TTC39B: variants seen among roughly 807,000 people sequenced by gnomAD.
The protein encoded by TTC39B is tetratricopeptide repeat domain 39B.
TTC39B carries 92 observed loss-of-function variants against 96.6 expected under a neutral mutation model. That is an observed-to-expected ratio of 0.95 (90% CI 0.80 to 1.13). The LOEUF is 1.13. Ranked by LOEUF, TTC39B falls within the 50% of genes most tolerant of loss-of-function variation. The probability of loss-of-function intolerance (pLI) is 0.00; values close to 1 mark genes in which losing one functional copy is unlikely to be tolerated. For synonymous variants in TTC39B, 367 were observed against 299.4 expected, an observed-to-expected ratio of 1.23 and a Z score of -2.33; for missense variants, 955 against 809.3, an observed-to-expected ratio of 1.18 and a Z score of -2.18.
chr9:15,177,809 T>TA lies in TTC39B; in HGVS notation c.1728dup (p.Asn577Ter). On this transcript the variant is annotated frameshift_variant, in exon 18 of 20. Transcript: ENST00000512701. LOFTEE classifies it high-confidence loss of function. ...CACTCATCATCCACAGAGAAGCTGTTAAAATCTTAAAACAAAAAACATACA... is the reference window on the plus strand; with the variant it reads ...CACTCATCATCCACAGAGAAGCTGTTAAAAATCTTAAAACAAAAAACATACA... 1.3e-6 allele frequency: 2 copies of TA among 1,580,306 alleles called. No homozygotes were observed. The highest frequency in any genetic ancestry group is 1.7e-6 in the Non-Finnish European group (2 of 1,160,516).
At chr9:15,250,206 A>G (rs918740623) in intron 2 of TTC39B, 3 of 1,139,564 alleles carry the variant, frequency 2.6e-6, no homozygotes, top group Non-Finnish European at 3.3e-6. Context: ...TCACTGCTGT[A>G]GCGGATGCTT....
At chr9:15,211,286 G>A (rs146875404) in exon 5 of TTC39B, 14 of 1,567,956 alleles carry the variant, frequency 8.9e-6, no homozygotes, top group African/African-American at 2.8e-5. Flanking sequence ...TTTGTAAAGC[G>A]TCCTTCATGG....
intron 9 of TTC39B, among the ~76,000 whole-genome samples, chr9:15,192,340 A>G (rs772638734): frequency 1.3e-5 from 2 of 152,136 alleles, no homozygotes; most frequent in African/African-American, 4.8e-5. Flanking sequence ...GTTCCTTGTT[A>G]CCAAAAACCT....
At chr9:15,183,218 AT>A in intron 16 of TTC39B, 1 of 316,726 alleles carries the variant, frequency 3.2e-6, no homozygotes, top group South Asian at 2.5e-5. Flanking sequence ...CTCAAGTAGA[AT>A]GGCAGCAAAG....
chr9:15,288,213 T>C (rs941333535), intron 1 of TTC39B, among the ~76,000 whole-genome samples: 5 of 152,122 alleles, frequency 3.3e-5, no homozygotes, highest in African/African-American at 1.2e-4. Flanking sequence ...AGGGAAATAC[T>C]GGATAGAAGA....
At chr9:15,302,144 GA>G (rs1824611980) in intron 1 of TTC39B, among the ~76,000 whole-genome samples, 1 of 151,668 alleles carries the variant, frequency 6.6e-6, no homozygotes, top group Non-Finnish European at 1.5e-5. Flanking sequence ...CCAACATGGT[GA>G]AACCCCATCT....
At chr9:15,215,127 T>C (rs1199748453) in intron 3 of TTC39B, among the ~76,000 whole-genome samples, 1 of 152,170 alleles carries the variant, frequency 6.6e-6, no homozygotes, top group Non-Finnish European at 1.5e-5. Context: ...ATGTGGTGTG[T>C]GCCTGTAATC....
At chr9:15,266,255 TA>T (rs561016680) in intron 2 of TTC39B, among the ~76,000 whole-genome samples, 11 of 151,750 alleles carry the variant, frequency 7.2e-5, no homozygotes, top group African/African-American at 2.2e-4. Flanking sequence ...GTTTTTTTTT[TA>T]AAAAATCATA....
intron 1 of TTC39B, among the ~76,000 whole-genome samples, chr9:15,285,728 G>T (rs532098674): frequency 6.6e-6 from 1 of 151,974 alleles, no homozygotes. Flanking sequence ...GGTGGCGGGC[G>T]CCTGTAGTCC....
chr9:15,191,173 T>G lies in TTC39B; in HGVS notation c.996+17A>C. The G allele has an allele frequency of 1.3e-6, 2 of 1,560,690 alleles. No homozygotes were observed. The highest frequency in any genetic ancestry group is 1.8e-6 in the Non-Finnish European group (2 of 1,134,202). On this transcript the variant is annotated intron_variant, in intron 10 of 19. Coordinates refer to ENST00000512701, the Ensembl canonical transcript of TTC39B. ...CTTATCTTCCCTGTCAAAATTAACA[T>G]AAAATTAAATTTGTACCCTATTCCC...
intron 9 of TTC39B, among the ~76,000 whole-genome samples, chr9:15,192,338 T>G (rs533927898): frequency 7.2e-5 from 11 of 152,324 alleles, no homozygotes; most frequent in African/African-American, 2.4e-4. Flanking sequence ...CTGTTCCTTG[T>G]TACCAAAAAC....
chr9:15,201,214 A>C (rs1421164633), intron 7 of TTC39B, among the ~76,000 whole-genome samples: 1 of 152,144 alleles, frequency 6.6e-6, no homozygotes, highest in Non-Finnish European at 1.5e-5. Flanking sequence ...CATAAAATCC[A>C]ATACCAACCA....
chr9:15,200,245 G>C (rs1226585512), intron 7 of TTC39B, among the ~76,000 whole-genome samples: 2 of 152,164 alleles, frequency 1.3e-5, no homozygotes, highest in Admixed American at 1.3e-4. Context: ...CATCTACTGA[G>C]CAATTTTCTT....
intron 1 of TTC39B, among the ~76,000 whole-genome samples, chr9:15,281,625 C>CAAAAAAAAAAAAAAAAAAAAA (rs1161175672): frequency 1.0e-4 from 5 of 49,002 alleles, no homozygotes; most frequent in African/African-American, 3.8e-4. Flanking sequence ...CCTGCAACAG[C>CAAAAAAAAAAAAAAAAAAAAA]AAAAAAAAAA....
At chr9:15,192,860 G>T (rs1318683161) in intron 8 of TTC39B, among the ~76,000 whole-genome samples, 165 bp from the exon 9 acceptor site, 1 of 152,132 alleles carries the variant, frequency 6.6e-6, no homozygotes, top group Non-Finnish European at 1.5e-5. Context: ...AGGATACTAG[G>T]TAATAATCAT....
chr9:15,260,827 A>C (rs1822918466), intron 2 of TTC39B, among the ~76,000 whole-genome samples: 1 of 152,096 alleles, frequency 6.6e-6, no homozygotes, highest in Non-Finnish European at 1.5e-5. Flanking sequence ...TGGCTAAAAA[A>C]ATCTGCCTAT....
intron 2 of TTC39B, among the ~76,000 whole-genome samples, chr9:15,226,968 C>A (rs1303331684): frequency 6.6e-6 from 1 of 150,990 alleles, no homozygotes; most frequent in Non-Finnish European, 1.5e-5. Context: ...AGAAGTTTTG[C>A]GTGTTTTTTT....
intron 1 of TTC39B, among the ~76,000 whole-genome samples, chr9:15,291,108 A>C (rs114023730): frequency 2.6e-5 from 4 of 152,214 alleles, no homozygotes; most frequent in Non-Finnish European, 5.9e-5. Flanking sequence ...GCTGCTTTCT[A>C]TGGTGAAGAA....
At chr9:15,244,836 T>C (rs2131483420) in intron 2 of TTC39B, among the ~76,000 whole-genome samples, 1 of 152,330 alleles carries the variant, frequency 6.6e-6, no homozygotes, top group South Asian at 2.1e-4. Context: ...GGACATTGTC[T>C]TTTCTTTTAA....
Sources: gnomAD v4.1 joint callset for allele counts (sites outside exome capture counted in the v4.1 genomes callset) on GRCh38, gnomAD v4.1.1 for gene constraint, MANE v1.5 for transcripts, NCBI Gene and HGNC (gene_info 2026-07-23, HGNC 2026-07-21) for gene names.